The following PDS5A variants were observed in gnomAD, a reference collection of about 807,000 sequenced individuals.
The protein encoded by PDS5A is PDS5 cohesin associated factor A, also known as sister chromatid cohesion protein PDS5 homolog A.
Under a neutral mutation model 167.1 loss-of-function variants are expected in PDS5A, and 42 were observed. The observed-to-expected ratio is 0.25, with a 90% CI of 0.20 to 0.33. The LOEUF (loss-of-function observed/expected upper bound fraction) is 0.33. PDS5A is among the 10% of genes least tolerant of loss of function. PDS5A has a pLI of 1.00. For synonymous variants in PDS5A, 553 were observed against 554.6 expected, an observed-to-expected ratio of 1.00 and a Z score of 0.04; for missense variants, 1,033 against 1,605.9, an observed-to-expected ratio of 0.64 and a Z score of 6.10.
intron 21 of PDS5A, among the ~76,000 whole-genome samples, chr4:39,871,953 A>G (rs567174204): frequency 2.4e-4 from 36 of 151,782 alleles, no homozygotes; most frequent in Non-Finnish European, 4.4e-4. Context: ...TGATCCACCC[A>G]CCTCGGCCCC....
At chr4:39,975,981 T>TG (rs1464980846) in intron 2 of PDS5A, 1 of 152,478 alleles carries the variant, frequency 6.6e-6, no homozygotes, top group Non-Finnish European at 1.5e-5. Flanking sequence ...ATGAAAAGTC[T>TG]GTACCTTCTG....
intron 2 of PDS5A, among the ~76,000 whole-genome samples, chr4:39,975,318 A>G (rs1308898559): frequency 6.6e-6 from 1 of 152,184 alleles, no homozygotes; most frequent in African/African-American, 2.4e-5. Flanking sequence ...CCAAATTAAG[A>G]GTCTGAAAAC....
rs1375674382 is a variant in PDS5A at position 39,869,480 on chromosome 4, A to C, written c.2437-18T>G. ...CCTGTTGACTATAGACAATTGAATA[A>C]ATTTAGCTATTAGCATGAAAAAAAA... On this transcript the variant is annotated intron_variant, in intron 21 of 32. Coordinates refer to ENST00000303538, the MANE Select transcript of PDS5A (RefSeq NM_001100399.2). 17 of 1,511,172 alleles carry C rather than the reference A, an allele frequency of 1.1e-5. No individual in the cohort carries two copies. The South Asian group carries it at 1.9e-4, about 16-fold the overall frequency. 93.6% of individuals were successfully genotyped at this position (1,511,172 alleles called of 1,614,324 possible).
chr4:39,969,529 G>C (rs1265481765), intron 2 of PDS5A, among the ~76,000 whole-genome samples: 1 of 152,068 alleles, frequency 6.6e-6, no homozygotes, highest in Non-Finnish European at 1.5e-5. Context: ...AGCCAGGCGT[G>C]GTGGTGGATG....
rs1719505879 is a variant in PDS5A, at chr4:39,866,898, C to A, written c.2605G>T (p.Val869Phe). 1 of 1,613,316 alleles carries A rather than the reference C, an allele frequency of 6.2e-7. No individual in the cohort carries two copies. The highest frequency in any genetic ancestry group is 1.3e-5 in the African/African-American group (1 of 74,896). Reference sequence around the variant, plus strand: ...TGCTCTGTCAGGTCACCCTCACTAACCAACATCGCTGATAATAACCGAAGG... The same window carrying A: ...TGCTCTGTCAGGTCACCCTCACTAAACAACATCGCTGATAATAACCGAAGG... ...STLRLLSAMLVSEGDLTEQKR... is the reference protein window; with the variant it reads ...STLRLLSAMLFSEGDLTEQKR... Residue 869 changes from valine (V) to phenylalanine (F), a missense_variant, in exon 23 of 33, where the codon GTT (valine) becomes TTT (phenylalanine). Transcript: ENST00000303538.
At chr4:39,909,950 A>T (rs933512052) in intron 10 of PDS5A, 36 of 231,564 alleles carry the variant, frequency 1.6e-4, no homozygotes, top group African/African-American at 7.0e-4. Flanking sequence ...AAATATGAAG[A>T]TTTTAAGCTG....
chr4:39,898,287 TTG>T, intron 16 of PDS5A, 100 bp downstream of exon 16: 1 of 1,374,388 alleles, frequency 7.3e-7, no homozygotes, highest in Non-Finnish European at 9.5e-7. Context: ...GCTCACAATA[TTG>T]TTACATTTAC....
chr4:39,872,045 T>TG (rs1720085993), intron 21 of PDS5A, among the ~76,000 whole-genome samples: 2 of 152,228 alleles, frequency 1.3e-5, no homozygotes, highest in South Asian at 4.1e-4. Context: ...CGAAATCATT[T>TG]GGGGAGTCTT....
intron 8 of PDS5A, among the ~76,000 whole-genome samples, chr4:39,915,437 A>G (rs1724285761): frequency 1.4e-5 from 2 of 142,098 alleles, no homozygotes; most frequent in African/African-American, 5.3e-5. Flanking sequence ...TCGGTTCACT[A>G]TAACCTCTGC....
At position 39,874,374 on chromosome 4, in the gene PDS5A, C is replaced by T; in HGVS notation, c.2192G>A (p.Gly731Asp). 3 of 1,612,564 alleles carry T rather than the reference C, an allele frequency of 1.9e-6. No individual in the cohort carries two copies. The highest frequency in any genetic ancestry group is 2.5e-6 in the Non-Finnish European group (3 of 1,178,726). The change falls in exon 20 of 33, where the codon GGT becomes GAT. Residue 731 changes from glycine to aspartate, a missense_variant. By Grantham distance (94) the Gly-to-Asp change is moderately conservative (BLOSUM62 -1). This residue lies in a region of PDS5A where 367 missense variants were observed against 686.7 expected (regional missense o/e 0.53). Transcript: ENST00000303538. ...AGCCTGTTTTGCTTGGTGTGGAGTA[C>T]CCCTCTTTGCTTTTTGATGTAAAAT... is the stretch of plus-strand genomic sequence containing the variant. ...IPILHQKAKR[G>D]TPHQAKQAVH...
chr4:39,919,436 G>A (rs1315181728), intron 7 of PDS5A, among the ~76,000 whole-genome samples: 1 of 152,178 alleles, frequency 6.6e-6, no homozygotes, highest in Non-Finnish European at 1.5e-5. Flanking sequence ...ACGAGGTCAG[G>A]AGATCAAGAC....
intron 22 of PDS5A, among the ~76,000 whole-genome samples, chr4:39,867,618 G>A (rs1385048137): frequency 6.6e-6 from 1 of 151,718 alleles, no homozygotes; most frequent in Non-Finnish European, 1.5e-5. Context: ...TACTCAGGAG[G>A]CTGAGGCATG....
At chr4:39,872,839 G>T in intron 21 of PDS5A, 147 bp downstream of exon 21, 1 of 443,902 alleles carries the variant, frequency 2.3e-6, no homozygotes. Flanking sequence ...AAGTAGTTTC[G>T]AATTTAAATA....
At chr4:39,941,088 C>T (rs573105429) in intron 2 of PDS5A, among the ~76,000 whole-genome samples, 6 of 152,212 alleles carry the variant, frequency 3.9e-5, no homozygotes, top group Non-Finnish European at 7.3e-5. Flanking sequence ...AACTCATATG[C>T]TGTAAAAGCA....
At chr4:39,927,644 A>T (rs1725586956) in intron 3 of PDS5A, among the ~76,000 whole-genome samples, 1 of 152,210 alleles carries the variant, frequency 6.6e-6, no homozygotes, top group African/African-American at 2.4e-5. Context: ...TATTTTAAAA[A>T]GTATCATTAA....
intron 23 of PDS5A, among the ~76,000 whole-genome samples, chr4:39,864,744 A>C (rs1023125898): frequency 6.6e-6 from 1 of 152,106 alleles, no homozygotes; most frequent in Non-Finnish European, 1.5e-5. Context: ...GTGAGTGCTT[A>C]CTCCGTGCCA....
In PDS5A at chr4:39,913,654, A is replaced by T; in HGVS notation, c.949T>A (p.Leu317Met). ...AKLFGSKDSD[L>M]ATQNRPLWQC... ...CAAAGAGGACGATTCTGTGTTGCCAAATCAGAATCTTTGGAGCCAAACAAT... is the reference window on the plus strand; with the variant it reads ...CAAAGAGGACGATTCTGTGTTGCCATATCAGAATCTTTGGAGCCAAACAAT... Residue 317 changes from leucine to methionine, a missense_variant, in exon 9 of 33, where the codon TTG becomes ATG. Leu to Met is a conservative substitution (Grantham distance 15). Transcript: ENST00000303538. 1 of 1,611,424 alleles carries T rather than the reference A, an allele frequency of 6.2e-7. No individual in the cohort carries two copies. The highest frequency in any genetic ancestry group is 8.5e-7 in the Non-Finnish European group (1 of 1,177,608).
At chr4:39,931,857 T>G (rs1030999607) in intron 2 of PDS5A, among the ~76,000 whole-genome samples, 2 of 151,962 alleles carry the variant, frequency 1.3e-5, no homozygotes, top group African/African-American at 4.8e-5. Flanking sequence ...TTATATAGTC[T>G]TCTTCCACAA....
chr4:39,862,726 C>T (rs1719100740), intron 25 of PDS5A, 143 bp downstream of exon 25: 1 of 618,792 alleles, frequency 1.6e-6, no homozygotes, highest in East Asian at 2.8e-5. Flanking sequence ...TTTTTAAGTA[C>T]ATCATAACTA....
Sources: allele counts gnomAD v4.1 joint callset (sites outside exome capture counted in the v4.1 genomes callset), GRCh38; gene constraint gnomAD v4.1.1; regional missense constraint gnomAD v4.1.1; transcripts MANE v1.5; gene names NCBI Gene and HGNC (gene_info 2026-07-23, HGNC 2026-07-21).